Variants in COL4A2 observed in about 807,000 individuals in gnomAD.
COL4A2 encodes the protein collagen alpha-2(IV) chain.
COL4A2 carries 99 observed loss-of-function variants against 200.2 expected under a neutral mutation model. That is an observed-to-expected ratio of 0.49 (90% CI 0.42 to 0.58). The LOEUF (loss-of-function observed/expected upper bound fraction) is 0.58, where lower values mean the gene tolerates loss of function less well. COL4A2 is among the 20% of genes least tolerant of loss of function. The pLI, the probability that COL4A2 is intolerant of heterozygous loss-of-function variation, is 0.00. For missense variants in COL4A2, 1,950 were observed against 2,314.1 expected (o/e 0.84, Z 3.23); for synonymous variants, 897 against 900.6 (o/e 1.00, Z 0.07).
At chr13:110,455,357 C>T (rs953285044) in intron 20 of COL4A2, among the ~76,000 whole-genome samples, 3 of 152,178 alleles carry the variant, frequency 2.0e-5, no homozygotes, top group African/African-American at 4.8e-5. Context: ...CATTCCCTCC[C>T]GCTCCCCACT....
At chr13:110,446,411 C>T (rs1424575022) in intron 17 of COL4A2, among the ~76,000 whole-genome samples, 1 of 152,196 alleles carries the variant, frequency 6.6e-6, no homozygotes, top group Non-Finnish European at 1.5e-5. Flanking sequence ...TGCTGCCTTA[C>T]GACACAGATG....
intron 4 of COL4A2, among the ~76,000 whole-genome samples, chr13:110,390,118 G>A (rs1353463476): frequency 1.3e-5 from 2 of 152,196 alleles, no homozygotes; most frequent in Non-Finnish European, 2.9e-5. Context: ...TGCTCTGGGT[G>A]CCAGCTACTA....
chr13:110,427,550 A>T (rs1880514260), intron 6 of COL4A2, among the ~76,000 whole-genome samples: 1 of 152,222 alleles, frequency 6.6e-6, no homozygotes, highest in Non-Finnish European at 1.5e-5. Context: ...TGTTTGGTTT[A>T]TTATCAAGAA....
At chr13:110,436,404 A>T (rs763078312) in intron 13 of COL4A2, 37 bp downstream of exon 13, 3 of 1,595,076 alleles carry the variant, frequency 1.9e-6, no homozygotes, top group African/African-American at 1.3e-5. Context: ...TAGTTGAAAT[A>T]AAAAAAGGAG....
At chr13:110,509,758 A>T (rs923764330) in intron 47 of COL4A2, among the ~76,000 whole-genome samples, 1 of 152,196 alleles carries the variant, frequency 6.6e-6, no homozygotes, top group Non-Finnish European at 1.5e-5. Context: ...CTGCTTACAT[A>T]AATGGCTGAC....
intron 4 of COL4A2, among the ~76,000 whole-genome samples, chr13:110,377,479 C>A (rs1274515888): frequency 6.6e-6 from 1 of 152,232 alleles, no homozygotes; most frequent in African/African-American, 2.4e-5. Context: ...CAGGACCCCG[C>A]ACATCCCTGC....
chr13:110,452,717 A>G (rs1881587884), intron 20 of COL4A2, among the ~76,000 whole-genome samples: 1 of 152,204 alleles, frequency 6.6e-6, no homozygotes, highest in African/African-American at 2.4e-5. Context: ...TCCCTGGATC[A>G]TGAACCTGCC....
intron 13 of COL4A2, among the ~76,000 whole-genome samples, chr13:110,436,655 G>A (rs1880899221): frequency 1.3e-5 from 2 of 151,922 alleles, no homozygotes; most frequent in African/African-American, 2.4e-5. Context: ...CTTACATTCA[G>A]TGTAGGTGGA....
intron 27 of COL4A2, chr13:110,468,184 C>A (rs1178371756): frequency 4.2e-6 from 2 of 471,174 alleles, no homozygotes; most frequent in Non-Finnish European, 8.8e-6. Context: ...TCGGAGTGCA[C>A]CGTGATCACA....
At chr13:110,373,394 A>G (rs1006615069) in intron 4 of COL4A2, among the ~76,000 whole-genome samples, 1 of 152,242 alleles carries the variant, frequency 6.6e-6, no homozygotes, top group Admixed American at 6.5e-5. Flanking sequence ...GAGGGCATCT[A>G]TGGTAGAGGG....
At chr13:110,452,063 A>G (rs559694609) in intron 20 of COL4A2, among the ~76,000 whole-genome samples, 2 of 152,378 alleles carry the variant, frequency 1.3e-5, no homozygotes, top group African/African-American at 4.8e-5. Context: ...CGGGGAGGAA[A>G]AACACCATGT....
intron 6 of COL4A2, among the ~76,000 whole-genome samples, chr13:110,427,194 G>C (rs923597324): frequency 2.0e-5 from 3 of 152,198 alleles, no homozygotes; most frequent in African/African-American, 7.2e-5. Context: ...TGTTCGCCCA[G>C]GCTGGAGTGC....
chr13:110,380,093 G>A (rs1395526003), intron 4 of COL4A2, among the ~76,000 whole-genome samples: 1 of 152,162 alleles, frequency 6.6e-6, no homozygotes, highest in African/African-American at 2.4e-5. Flanking sequence ...TTCCATGTTT[G>A]AGCAAAGCAT....
At chr13:110,337,694 C>A (rs1292302978) in intron 3 of COL4A2, among the ~76,000 whole-genome samples, 1 of 152,222 alleles carries the variant, frequency 6.6e-6, no homozygotes, top group African/African-American at 2.4e-5. Flanking sequence ...AAGCAGCCCT[C>A]TGACACAGTG....
intron 3 of COL4A2, among the ~76,000 whole-genome samples, chr13:110,351,087 T>C (rs1876935809): frequency 6.6e-6 from 1 of 152,114 alleles, no homozygotes; most frequent in South Asian, 2.1e-4. Flanking sequence ...CTTGCTCTGT[T>C]GCCCAGGCTG....
intron 3 of COL4A2, among the ~76,000 whole-genome samples, chr13:110,323,156 C>T (rs575137142): frequency 1.3e-5 from 2 of 152,322 alleles, no homozygotes; most frequent in African/African-American, 4.8e-5. Context: ...GGTGTCAGTC[C>T]ATGGGAAGTC....
intron 29 of COL4A2, among the ~76,000 whole-genome samples, chr13:110,474,026 C>G (rs1456977299): frequency 2.0e-5 from 3 of 152,032 alleles, no homozygotes; most frequent in Non-Finnish European, 4.4e-5. Context: ...ACATGGGAAG[C>G]TGAGGTGGGA....
intron 30 of COL4A2, among the ~76,000 whole-genome samples, chr13:110,479,749 C>T (rs555639831): frequency 7.9e-5 from 12 of 152,248 alleles, no homozygotes; most frequent in Middle Eastern, 3.4e-3. Flanking sequence ...AAGCTCACGA[C>T]AGTAGCAGTG....
intron 37 of COL4A2, 66 bp from the exon 38 acceptor site, chr13:110,492,004 A>G: frequency 7.1e-7 from 1 of 1,416,512 alleles, no homozygotes. Context: ...CCCTCCTGCC[A>G]GGACCTCACC....
Sources: gnomAD v4.1 joint callset for allele counts (sites outside exome capture counted in the v4.1 genomes callset) on GRCh38, gnomAD v4.1.1 for gene constraint, MANE v1.5 for transcripts, NCBI Gene and HGNC (gene_info 2026-07-23, HGNC 2026-07-21) for gene names.